Variants in SNX24 observed in about 807,000 individuals in gnomAD.
SNX24 encodes sorting nexin 24.
In SNX24, 22 loss-of-function variants were observed where a neutral mutation model predicts 28.7. The observed-to-expected ratio is 0.77, with a 90% CI of 0.55 to 1.10. The LOEUF (loss-of-function observed/expected upper bound fraction) is 1.10, where lower values mean the gene tolerates loss of function less well. Ranked by LOEUF, SNX24 falls within the 50% of genes least tolerant of loss-of-function variation. SNX24 has a pLI of 0.00. For synonymous variants in SNX24, 69 were observed against 71.5 expected (o/e 0.96, Z 0.18); for missense variants, 221 against 201.1 (o/e 1.10, Z -0.60).
intron 1 of SNX24, among the ~76,000 whole-genome samples, chr5:122,882,498 C>T (rs983544784): frequency 2.6e-5 from 4 of 152,172 alleles, no homozygotes; most frequent in African/African-American, 4.8e-5. Flanking sequence ...GATAGAGAGC[C>T]CTCTAGGCCT....
At chr5:122,950,942 G>A (rs1759910330) in intron 3 of SNX24, among the ~76,000 whole-genome samples, 1 of 152,114 alleles carries the variant, frequency 6.6e-6, no homozygotes. Context: ...TGGAATTCAA[G>A]GCTCTTTCCT....
chr5:123,009,176 T>A lies in SNX24; in HGVS notation c.*1427T>A. 1 of 983,964 alleles carries A rather than the reference T, an allele frequency of 1.0e-6. No individual in the cohort carries two copies. The allele number at this position is 983,964 out of a possible 1,614,324, so 61.0% of individuals were successfully genotyped here. On this transcript the variant is annotated 3_prime_UTR_variant, in exon 7 of 7. Transcript: ENST00000261369. Reference sequence around the variant, plus strand: ...AAAATGTTTTTATGTTATTAGCTATTTGGAGTTAAATAAAAACAGAACAAG... The same window carrying A: ...AAAATGTTTTTATGTTATTAGCTATATGGAGTTAAATAAAAACAGAACAAG...
intron 1 of SNX24, among the ~76,000 whole-genome samples, chr5:122,881,135 A>G (rs866729715): frequency 6.6e-6 from 1 of 152,246 alleles, no homozygotes; most frequent in African/African-American, 2.4e-5. Flanking sequence ...CTGGCCAAAG[A>G]CAGCAGGAGT....
chr5:123,012,016 A>G (rs558225778), downstream of SNX24, among the ~76,000 whole-genome samples: 1 of 152,242 alleles, frequency 6.6e-6, no homozygotes, highest in South Asian at 2.1e-4. Context: ...TTCTTATGAT[A>G]GTGAGTGAGT....
rs563299073 is a variant in SNX24 at position 122,929,547 on chromosome 5, G to A, written c.61-7187G>A. 1.3e-4 allele frequency among the ~76,000 whole-genome samples: 19 copies of A among 151,602 alleles called. No homozygotes were observed. In the South Asian group the frequency reaches 4.0e-3, roughly 32 times the overall value. On this transcript the variant is annotated intron_variant, in intron 1 of 6. Coordinates refer to ENST00000261369, the MANE Select transcript of SNX24 (RefSeq NM_014035.4). ...ATGGACGTTCTTTTCTTATTATTCT[G>A]TAAACTGCACCAAATCATAGTACAT...
In SNX24 at chr5:122,999,005, G is replaced by C. The variant is rs190236619; in HGVS notation, c.250-907G>C. Among the ~76,000 whole-genome samples the C allele has an allele frequency of 6.2e-5, 9 of 146,152 alleles. No homozygotes were observed. In the East Asian group the frequency reaches 2.0e-3, roughly 32 times the overall value. On this transcript the variant is annotated intron_variant, in intron 3 of 6. Coordinates refer to ENST00000261369, the MANE Select transcript of SNX24 (RefSeq NM_014035.4). ...TAAGAATAGTTGTATTGAAGTCAGA[G>C]ATTATGATAAAACCTTTGATGCTTT...
intron 1 of SNX24, among the ~76,000 whole-genome samples, chr5:122,936,301 T>G (rs2150116497): frequency 6.6e-6 from 1 of 152,276 alleles, no homozygotes; most frequent in Middle Eastern, 3.4e-3. Context: ...ATGATTGTCT[T>G]ATAGATGACA....
chr5:122,911,507 C>T (rs1224365780), intron 1 of SNX24, among the ~76,000 whole-genome samples: 1 of 151,024 alleles, frequency 6.6e-6, no homozygotes, highest in African/African-American at 2.4e-5. Flanking sequence ...GCTTTTGTTG[C>T]CATTGCTTTT....
chr5:123,003,743 G>T (rs899414186), intron 6 of SNX24, among the ~76,000 whole-genome samples: 5 of 152,316 alleles, frequency 3.3e-5, no homozygotes, highest in Admixed American at 1.3e-4. Flanking sequence ...AGAAACATCA[G>T]GGGTAAATGT....
intron 1 of SNX24, chr5:122,891,036 G>A: frequency 6.6e-7 from 1 of 1,507,118 alleles, no homozygotes; most frequent in Non-Finnish European, 8.9e-7. Context: ...GGTGGTAATA[G>A]TTTGGCATAG....
At chr5:122,864,142 G>A (rs1039268087) in intron 1 of SNX24, among the ~76,000 whole-genome samples, 7 of 123,790 alleles carry the variant, frequency 5.7e-5, no homozygotes, top group African/African-American at 3.4e-5. Context: ...AAACTATAAG[G>A]AAGAGTGCTG....
At chr5:122,960,246 T>G (rs1223843232) in intron 3 of SNX24, among the ~76,000 whole-genome samples, 1 of 152,218 alleles carries the variant, frequency 6.6e-6, no homozygotes, top group African/African-American at 2.4e-5. Context: ...CAAATGGTCA[T>G]TAAGTGTCAG....
At chr5:122,880,890 G>A (rs1445672322) in intron 1 of SNX24, among the ~76,000 whole-genome samples, 2 of 152,116 alleles carry the variant, frequency 1.3e-5, no homozygotes, top group African/African-American at 4.8e-5. Flanking sequence ...AGACAGCACC[G>A]AAATTGCATC....
At chr5:122,889,899 A>G (rs2150069391) in intron 1 of SNX24, among the ~76,000 whole-genome samples, 1 of 151,624 alleles carries the variant, frequency 6.6e-6, no homozygotes, top group Non-Finnish European at 1.5e-5. Flanking sequence ...AGTTGTCCCA[A>G]TAATGTCCTT....
chr5:123,018,643 C>G (rs897687606), intron 5 of SNX24, among the ~76,000 whole-genome samples: 1 of 152,116 alleles, frequency 6.6e-6, no homozygotes, highest in Non-Finnish European at 1.5e-5. Context: ...CCTCCAAATC[C>G]TCCAAATCTG....
chr5:122,896,457 G>A (rs1001867618), intron 1 of SNX24, among the ~76,000 whole-genome samples: 2 of 152,196 alleles, frequency 1.3e-5, no homozygotes, highest in African/African-American at 4.8e-5. Context: ...TGCAGCTGGC[G>A]AATGCTGTCC....
At chr5:122,911,700 T>C (rs1411172772) in intron 1 of SNX24, among the ~76,000 whole-genome samples, 2 of 130,358 alleles carry the variant, frequency 1.5e-5, no homozygotes, top group Non-Finnish European at 1.6e-5. Flanking sequence ...CTAGCCAGTT[T>C]TCCCAGCACC....
chr5:122,958,397 G>A (rs1760312209), intron 3 of SNX24, among the ~76,000 whole-genome samples: 1 of 152,056 alleles, frequency 6.6e-6, no homozygotes, highest in South Asian at 2.1e-4. Flanking sequence ...GGGATTACAG[G>A]CACCTGCCAT....
chr5:122,935,002 A>G (rs1169310805), intron 1 of SNX24, among the ~76,000 whole-genome samples: 1 of 152,070 alleles, frequency 6.6e-6, no homozygotes, highest in Non-Finnish European at 1.5e-5. Flanking sequence ...AAGGGGGGGC[A>G]CTTTGAGGGG....
Sources: allele counts gnomAD v4.1 joint callset (sites outside exome capture counted in the v4.1 genomes callset), GRCh38; gene constraint gnomAD v4.1.1; transcripts MANE v1.5; gene names NCBI Gene and HGNC (gene_info 2026-07-23, HGNC 2026-07-21).